Variants in DSCAM observed in about 807,000 individuals in gnomAD.
DSCAM encodes cell adhesion molecule DSCAM.
DSCAM carries 47 observed loss-of-function variants against 217.7 expected under a neutral mutation model. That is an observed-to-expected ratio of 0.22 (90% CI 0.17 to 0.28). The LOEUF (loss-of-function observed/expected upper bound fraction) is 0.28. DSCAM is among the 10% of genes least tolerant of loss of function. The pLI, the probability that DSCAM is intolerant of heterozygous loss-of-function variation, is 1.00. For synonymous variants in DSCAM, 1,056 were observed against 1,015.3 expected, an observed-to-expected ratio of 1.04 and a Z score of -0.76; for missense variants, 2,080 against 2,618.3, an observed-to-expected ratio of 0.79 and a Z score of 4.49.
chr21:40,029,068 A>C (rs2088464084), intron 32 of DSCAM, among the ~76,000 whole-genome samples: 1 of 152,148 alleles, frequency 6.6e-6, no homozygotes, highest in Non-Finnish European at 1.5e-5. Flanking sequence ...CCATCTCTAC[A>C]AACAGAAAAC....
At chr21:40,688,686 T>C (rs2090508840) in intron 3 of DSCAM, among the ~76,000 whole-genome samples, 1 of 152,196 alleles carries the variant, frequency 6.6e-6, no homozygotes. Context: ...GCTTTTCCTC[T>C]GCACATTTAC....
chr21:40,640,550 T>C (rs955621208), intron 3 of DSCAM, among the ~76,000 whole-genome samples: 1 of 152,156 alleles, frequency 6.6e-6, no homozygotes, highest in Non-Finnish European at 1.5e-5. Context: ...GTAAAGCTAT[T>C]AAGGAAGGCG....
chr21:40,203,451 C>A (rs969288374), intron 11 of DSCAM, among the ~76,000 whole-genome samples: 3 of 152,214 alleles, frequency 2.0e-5, no homozygotes, highest in African/African-American at 7.2e-5. Context: ...TACATCTGTT[C>A]TTTGTGGCAT....
At chr21:40,680,615 C>T (rs142363935) in intron 3 of DSCAM, among the ~76,000 whole-genome samples, 3 of 152,340 alleles carry the variant, frequency 2.0e-5, no homozygotes, top group African/African-American at 7.2e-5. Context: ...TGACTCTGCT[C>T]TACTGCAGAG....
intron 1 of DSCAM, among the ~76,000 whole-genome samples, chr21:40,794,054 A>G (rs906267710): frequency 6.6e-6 from 1 of 152,170 alleles, no homozygotes; most frequent in South Asian, 2.1e-4. Context: ...CTGTGGGAAA[A>G]GGCCAACCTT....
chr21:40,495,000 T>C (rs75382392), intron 3 of DSCAM, among the ~76,000 whole-genome samples: 9,438 of 151,644 alleles, frequency 0.062, 423 homozygotes, highest in African/African-American at 0.12. Context: ...AAAAAACAGA[T>C]AAATATCTAG....
At chr21:40,620,322 GAGAAAAAAGAAAAAGAAAGAA>G in intron 3 of DSCAM, among the ~76,000 whole-genome samples, 1 of 120,098 alleles carries the variant, frequency 8.3e-6, no homozygotes, top group South Asian at 2.7e-4. Flanking sequence ...GAGAAAGAGA[GAGAAAAAAGAAAAAGAAAGAA>G]AGAGAAAGAG....
chr21:40,075,106 A>G lies in DSCAM; in HGVS notation c.4819T>C (p.Leu1607=). 2.5e-6 allele frequency: 4 copies of G among 1,614,192 alleles called. No individual in the cohort carries two copies. The highest frequency in any genetic ancestry group is 3.4e-6 in the Non-Finnish European group (4 of 1,180,028). The part of the protein sequence containing the change: ...VTISCILVGV[L]LLFVLLLVVR... ...ACCAGCAGGAGCACAAACAGCAGCA[A>G]GACCCCCACCAGGATACAGGAGATG... Residue 1607 remains leucine (L), a synonymous_variant, in exon 27 of 33, where the codon TTG becomes CTG. Transcript: ENST00000400454.
chr21:40,299,784 C>A (rs1442727148), intron 9 of DSCAM, among the ~76,000 whole-genome samples: 1 of 152,008 alleles, frequency 6.6e-6, no homozygotes. Context: ...ACAAAGTTCC[C>A]AATTTTTTAA....
At chr21:40,235,662 C>T (rs752525898) in intron 11 of DSCAM, among the ~76,000 whole-genome samples, 54 of 152,028 alleles carry the variant, frequency 3.6e-4, no homozygotes, top group Admixed American at 5.2e-4. Flanking sequence ...TCACCTGATT[C>T]GACACTTCTT....
intron 3 of DSCAM, among the ~76,000 whole-genome samples, chr21:40,548,080 C>A (rs2076598215): frequency 6.6e-6 from 1 of 152,206 alleles, no homozygotes. Context: ...GTTAATCACT[C>A]CCCATTGCCT....
At chr21:40,767,892 C>G (rs963273659) in intron 1 of DSCAM, among the ~76,000 whole-genome samples, 10 of 151,900 alleles carry the variant, frequency 6.6e-5, no homozygotes, top group East Asian at 3.9e-4. Context: ...CTCTCTTTCT[C>G]TCTCTCCCTG....
At chr21:40,160,365 T>C (rs894846003) in intron 16 of DSCAM, among the ~76,000 whole-genome samples, 2 of 152,254 alleles carry the variant, frequency 1.3e-5, no homozygotes, top group Admixed American at 1.3e-4. Flanking sequence ...AATTTACTTG[T>C]TGGAAATGGA....
chr21:40,156,309 G>C (rs895561030), intron 16 of DSCAM, among the ~76,000 whole-genome samples: 2 of 145,760 alleles, frequency 1.4e-5, no homozygotes, highest in Non-Finnish European at 3.0e-5. Context: ...GAGAGAGAGA[G>C]AGAGAGAGAG....
At chr21:40,418,055 C>T (rs1456556441) in intron 3 of DSCAM, among the ~76,000 whole-genome samples, 4 of 152,120 alleles carry the variant, frequency 2.6e-5, no homozygotes, top group African/African-American at 9.7e-5. Flanking sequence ...TGGAGAACTT[C>T]CTTGGAAGTA....
At chr21:40,529,201 T>G (rs1052400596) in intron 3 of DSCAM, among the ~76,000 whole-genome samples, 10 of 152,088 alleles carry the variant, frequency 6.6e-5, no homozygotes, top group Non-Finnish European at 1.0e-4. Flanking sequence ...TGGCCTAGGC[T>G]TTCCATTTTT....
At chr21:40,525,670 A>G (rs73214123) in intron 3 of DSCAM, among the ~76,000 whole-genome samples, 3,222 of 152,338 alleles carry the variant, frequency 0.021, 61 homozygotes, top group Non-Finnish European at 0.03. Flanking sequence ...TGGATCCAAG[A>G]AACTACTTAT....
intron 1 of DSCAM, among the ~76,000 whole-genome samples, chr21:40,768,147 A>G (rs1448347668): frequency 6.6e-6 from 1 of 152,202 alleles, no homozygotes; most frequent in Non-Finnish European, 1.5e-5. Flanking sequence ...AACTTCATTA[A>G]AGAAAACATG....
chr21:40,564,524 A>G (rs1445722171), intron 3 of DSCAM, among the ~76,000 whole-genome samples: 1 of 151,908 alleles, frequency 6.6e-6, no homozygotes, highest in East Asian at 1.9e-4. Context: ...CCTTCCTTTG[A>G]CCTGTTTTGG....
Sources: gnomAD v4.1 joint callset for allele counts (sites outside exome capture counted in the v4.1 genomes callset) on GRCh38, gnomAD v4.1.1 for gene constraint, MANE v1.5 for transcripts, NCBI Gene and HGNC (gene_info 2026-07-23, HGNC 2026-07-21) for gene names.